The following PTPRD variants were observed in gnomAD, a reference collection of about 807,000 sequenced individuals.
The protein encoded by PTPRD is receptor-type tyrosine-protein phosphatase delta.
In PTPRD, 34 loss-of-function variants were observed where a neutral mutation model predicts 214.5. The observed-to-expected ratio is 0.16, with a 90% CI of 0.12 to 0.21. The LOEUF (loss-of-function observed/expected upper bound fraction) is 0.21, where lower values mean the gene tolerates loss of function less well. PTPRD is among the 10% of genes least tolerant of loss of function. PTPRD has a pLI of 1.00. For synonymous variants in PTPRD, 1,128 were observed against 845.7 expected (o/e 1.33, Z -5.79); for missense variants, 2,545 against 2,398.7 (o/e 1.06, Z -1.27).
intron 4 of PTPRD, among the ~76,000 whole-genome samples, chr9:10,012,865 C>T (rs987726977): frequency 9.9e-5 from 15 of 151,842 alleles, no homozygotes; most frequent in Non-Finnish European, 2.1e-4. Flanking sequence ...CACAAAATAA[C>T]AGAAGACATA....
intron 4 of PTPRD, among the ~76,000 whole-genome samples, chr9:10,026,466 C>G (rs1282310567): frequency 6.6e-6 from 1 of 152,186 alleles, no homozygotes; most frequent in South Asian, 2.1e-4. Context: ...AAGTTGCCTG[C>G]CTAAGTTTCT....
chr9:10,125,914 T>G (rs1490378388), intron 3 of PTPRD, among the ~76,000 whole-genome samples: 1 of 152,128 alleles, frequency 6.6e-6, no homozygotes, highest in East Asian at 1.9e-4. Flanking sequence ...AAAGATATGG[T>G]AATATATTGT....
At position 8,959,046 on chromosome 9, in the gene PTPRD, T is replaced by C. The variant is rs1020109075; in HGVS notation, c.-104+59651A>G. On this transcript the variant is annotated intron_variant, in intron 11 of 45. Coordinates refer to ENST00000381196, the MANE Select transcript of PTPRD (RefSeq NM_002839.4). ...GAGGAAGCACGTATCTGATTCCAAATGCCAAACACACTCACTAAGCCAAGA... is the reference window on the plus strand; with the variant it reads ...GAGGAAGCACGTATCTGATTCCAAACGCCAAACACACTCACTAAGCCAAGA... Among the ~76,000 whole-genome samples the C allele has an allele frequency of 1.4e-4, 21 of 152,022 alleles. 1 individual carries two copies.
rs538613777 is a variant in PTPRD, at chr9:9,368,514, G to A, written c.-203+28935C>T. Among the ~76,000 whole-genome samples, 6 of 151,900 alleles carry A rather than the reference G, an allele frequency of 3.9e-5. No homozygotes were observed. In the South Asian group the frequency reaches 6.2e-4, roughly 16 times the overall value. ...ATTCTTACAATGAGTGTTGGGGACT[G>A]ATGTCCCTAGCAAAGAATATTAAAG... On this transcript the variant is annotated intron_variant, in intron 9 of 45. Transcript: ENST00000381196.
chr9:9,207,788 A>G (rs1407373455), intron 9 of PTPRD, among the ~76,000 whole-genome samples: 1 of 152,070 alleles, frequency 6.6e-6, no homozygotes, highest in Non-Finnish European at 1.5e-5. Flanking sequence ...GTCATAGTAA[A>G]AGAGTTGAAA....
intron 11 of PTPRD, among the ~76,000 whole-genome samples, chr9:8,852,120 G>A (rs1372015552): frequency 1.3e-5 from 2 of 151,978 alleles, no homozygotes; most frequent in Non-Finnish European, 2.9e-5. Context: ...ATCACTTTAT[G>A]TATTTGAAAG....
intron 9 of PTPRD, among the ~76,000 whole-genome samples, chr9:9,367,553 A>T (rs144421813): frequency 1.3e-5 from 2 of 151,620 alleles, no homozygotes; most frequent in East Asian, 3.9e-4. Context: ...GTACTGTTCA[A>T]CTGAAGTCTA....
chr9:10,582,358 C>CA (rs1270572155), intron 2 of PTPRD, among the ~76,000 whole-genome samples: 1 of 152,090 alleles, frequency 6.6e-6, no homozygotes, highest in Admixed American at 6.5e-5. Flanking sequence ...TTCCTACTCC[C>CA]AAGCATAAGG....
intron 2 of PTPRD, among the ~76,000 whole-genome samples, chr9:10,500,161 A>G (rs1398828066): frequency 6.6e-6 from 1 of 151,936 alleles, no homozygotes; most frequent in Non-Finnish European, 1.5e-5. Context: ...TCTAGTTACA[A>G]CTTTCATGCA....
chr9:8,816,749 G>A (rs1053441616), intron 11 of PTPRD, among the ~76,000 whole-genome samples: 3 of 152,166 alleles, frequency 2.0e-5, no homozygotes, highest in Admixed American at 1.3e-4. Context: ...AATTACTCAA[G>A]TTCAGTCTTT....
At chr9:10,465,172 A>G (rs2098985072) in intron 2 of PTPRD, among the ~76,000 whole-genome samples, 1 of 152,218 alleles carries the variant, frequency 6.6e-6, no homozygotes, top group African/African-American at 2.4e-5. Context: ...GGTTAGTAAT[A>G]CATAATCAAA....
intron 3 of PTPRD, among the ~76,000 whole-genome samples, chr9:10,109,403 G>A (rs980469227): frequency 6.6e-5 from 10 of 152,170 alleles, no homozygotes; most frequent in South Asian, 2.1e-4. Flanking sequence ...GTTGTTTGCT[G>A]TAAGAAGTAA....
intron 4 of PTPRD, among the ~76,000 whole-genome samples, chr9:9,952,266 G>T (rs2093523683): frequency 6.6e-6 from 1 of 152,098 alleles, no homozygotes; most frequent in Non-Finnish European, 1.5e-5. Flanking sequence ...GGACATTATT[G>T]GGCTCTGTAG....
At chr9:9,571,872 A>T (rs1221183841) in intron 8 of PTPRD, among the ~76,000 whole-genome samples, 2 of 151,236 alleles carry the variant, frequency 1.3e-5, no homozygotes, top group Non-Finnish European at 3.0e-5. Context: ...ATTCTAATGC[A>T]AATCTATTTA....
At chr9:10,181,715 C>T (rs992688338) in intron 3 of PTPRD, among the ~76,000 whole-genome samples, 5 of 151,170 alleles carry the variant, frequency 3.3e-5, no homozygotes, top group African/African-American at 1.2e-4. Flanking sequence ...AAAACATAAT[C>T]TATGGCAAGG....
intron 2 of PTPRD, among the ~76,000 whole-genome samples, chr9:10,386,892 C>T (rs926701961): frequency 6.6e-6 from 1 of 151,642 alleles, no homozygotes; most frequent in Non-Finnish European, 1.5e-5. Context: ...GAAAGATTAT[C>T]CTCTCAGGTC....
intron 3 of PTPRD, among the ~76,000 whole-genome samples, chr9:10,132,821 C>T (rs567551128): frequency 6.6e-6 from 1 of 152,284 alleles, no homozygotes; most frequent in African/African-American, 2.4e-5. Flanking sequence ...AGAGGCCAGA[C>T]AATGACAGCC....
At chr9:8,687,282 T>G (rs72700355) in intron 12 of PTPRD, among the ~76,000 whole-genome samples, 1,649 of 152,330 alleles carry the variant, frequency 0.011, 14 homozygotes, top group African/African-American at 0.019. Context: ...ATCTCCCAAT[T>G]TTTCTATGTT....
intron 8 of PTPRD, among the ~76,000 whole-genome samples, chr9:9,448,290 G>C (rs10977757): frequency 0.15 from 23,406 of 151,918 alleles, 1,876 homozygotes; most frequent in Middle Eastern, 0.28. Flanking sequence ...TCTAATTGTA[G>C]TCCCCACACG....
Sources: allele counts gnomAD v4.1 joint callset (sites outside exome capture counted in the v4.1 genomes callset), GRCh38; gene constraint gnomAD v4.1.1; transcripts MANE v1.5; gene names NCBI Gene and HGNC (gene_info 2026-07-23, HGNC 2026-07-21).